The following SRBD1 variants were observed in gnomAD, a reference collection of about 807,000 sequenced individuals.
SRBD1 encodes the protein S1 RNA-binding domain-containing protein 1.
A neutral mutation model predicts 115.3 loss-of-function variants in SRBD1; 88 were observed. The ratio of observed to expected loss-of-function variants is 0.76; its 90% confidence interval spans 0.64 to 0.91. The LOEUF (loss-of-function observed/expected upper bound fraction) is 0.91. Among genes scored for constraint, SRBD1 ranks in the 40% least tolerant of loss-of-function variants. The pLI is 0.00. For missense variants in SRBD1, 1,385 were observed against 1,177.4 expected (o/e 1.18, Z -2.58); for synonymous variants, 509 against 407.7 (o/e 1.25, Z -2.99).
intron 10 of SRBD1, among the ~76,000 whole-genome samples, chr2:45,556,085 CAACT>C (rs1672466664): frequency 6.6e-6 from 1 of 152,124 alleles, no homozygotes; most frequent in Non-Finnish European, 1.5e-5. Context: ...TACATAATAG[CAACT>C]AACTGAATCT....
chr2:45,431,765 T>G (rs1388320555), intron 16 of SRBD1, among the ~76,000 whole-genome samples: 2 of 152,006 alleles, frequency 1.3e-5, no homozygotes, highest in African/African-American at 2.4e-5. Flanking sequence ...ATCCCAGAAC[T>G]TAAAGTATAA....
At chr2:45,579,533 C>A (rs1169856572) in intron 7 of SRBD1, among the ~76,000 whole-genome samples, 1 of 151,820 alleles carries the variant, frequency 6.6e-6, no homozygotes, top group Non-Finnish European at 1.5e-5. Flanking sequence ...CAACTAATAC[C>A]TATTTATCAA....
chr2:45,559,169 C>G (rs1487098177), intron 10 of SRBD1, among the ~76,000 whole-genome samples: 4 of 152,050 alleles, frequency 2.6e-5, no homozygotes, highest in Non-Finnish European at 5.9e-5. Context: ...TGTGCCATAT[C>G]TACTCTTGAT....
Position 45,413,190 on chromosome 2 carries a change from C to G in SRBD1, c.2437G>C (p.Ala813Pro). Residue 813 changes from alanine (A) to proline (P), a missense_variant, in exon 19 of 21, where the codon GCA (alanine) becomes CCA (proline). Transcript: ENST00000263736. ...TTTGGCTTCAGTAAAACATTCACTGCAGTTTTGCTCTTCTTTTTGCCCTGC... is the reference window on the plus strand; with the variant it reads ...TTTGGCTTCAGTAAAACATTCACTGGAGTTTTGCTCTTCTTTTTGCCCTGC... ...EKQGKKKSKT[A>P]VNVLLKPNPL... 6.2e-7 allele frequency: 1 copy of G among 1,614,096 alleles called. No homozygotes were observed. The highest frequency in any genetic ancestry group is 8.5e-7 in the Non-Finnish European group (1 of 1,179,986).
intron 16 of SRBD1, among the ~76,000 whole-genome samples, chr2:45,453,283 G>GAAAGA (rs913093878): frequency 2.3e-5 from 3 of 131,966 alleles, no homozygotes; most frequent in Admixed American, 2.2e-4. Flanking sequence ...AAAAAAAAAA[G>GAAAGA]AAAGAAAAGA....
intron 14 of SRBD1, among the ~76,000 whole-genome samples, chr2:45,543,243 T>A (rs1672003373): frequency 6.6e-6 from 1 of 152,206 alleles, no homozygotes; most frequent in Non-Finnish European, 1.5e-5. Context: ...CCTTTGGTAA[T>A]TAGAATTTGC....
At chr2:45,446,072 T>A (rs976786302) in intron 16 of SRBD1, among the ~76,000 whole-genome samples, 9 of 151,848 alleles carry the variant, frequency 5.9e-5, no homozygotes, top group African/African-American at 2.2e-4. Flanking sequence ...TCTAGAGAGG[T>A]CTGACTTGGG....
chr2:45,409,782 T>C (rs143464724), intron 19 of SRBD1, among the ~76,000 whole-genome samples: 50 of 152,214 alleles, frequency 3.3e-4, no homozygotes, highest in African/African-American at 1.2e-3. Context: ...TTGAAAAACA[T>C]ATAACACCTT....
At position 45,558,284 on chromosome 2, in the gene SRBD1, G is replaced by A. The variant is rs146299613; in HGVS notation, c.1409+4369C>T. 3.9e-5 allele frequency among the ~76,000 whole-genome samples: 6 copies of A among 152,224 alleles called. 1 individual carries two copies. The East Asian group carries it at 1.2e-3, about 29-fold the overall frequency. On this transcript the variant is annotated intron_variant, in intron 10 of 20. Transcript: ENST00000263736. Reference sequence around the variant, plus strand: ...GTTTGAGACCAGCCTGAGCAACATAGTGAGATAATGTCTCTAAAAAGAAGT... The same window carrying A: ...GTTTGAGACCAGCCTGAGCAACATAATGAGATAATGTCTCTAAAAAGAAGT...
intron 14 of SRBD1, among the ~76,000 whole-genome samples, chr2:45,489,729 A>G (rs1285478009): frequency 2.6e-5 from 4 of 152,108 alleles, no homozygotes; most frequent in African/African-American, 9.7e-5. Flanking sequence ...TATGCCCAAG[A>G]TCATATAGCT....
chr2:45,564,576 T>A (rs543199133), intron 9 of SRBD1, among the ~76,000 whole-genome samples: 1 of 152,172 alleles, frequency 6.6e-6, no homozygotes, highest in Non-Finnish European at 1.5e-5. Context: ...GCTCAACAAA[T>A]AAAATTAATT....
At chr2:45,509,776 C>G (rs575965846) in intron 14 of SRBD1, among the ~76,000 whole-genome samples, 1 of 152,228 alleles carries the variant, frequency 6.6e-6, no homozygotes, top group Admixed American at 6.5e-5. Flanking sequence ...ACTCTGCTGC[C>G]CAGGCTGGAG....
intron 4 of SRBD1, among the ~76,000 whole-genome samples, chr2:45,597,692 C>T (rs562914362): frequency 5.1e-4 from 78 of 152,284 alleles, no homozygotes; most frequent in Non-Finnish European, 9.7e-4. Context: ...GGAGACTTGA[C>T]CACATTCTGT....
In SRBD1 at chr2:45,551,157, T is replaced by G. The variant is rs568914930; in HGVS notation, c.1643A>C (p.His548Pro). ...TLMGVDPGYK[H>P]GCKLAIISPT... ...AGAAATTATAGCTAATTTGCAACCA[T>G]GTTTATAACCAGGATCCACTCCCAT... The change falls in exon 12 of 21, where the codon CAT becomes CCT. Residue 548 changes from histidine to proline, a missense_variant. Physicochemically the swap from His to Pro is moderately conservative, Grantham distance 77. Coordinates refer to ENST00000263736, the MANE Select transcript of SRBD1 (RefSeq NM_018079.5). The G allele has an allele frequency of 1.3e-6, 2 of 1,599,108 alleles. No homozygotes were observed. The highest frequency in any genetic ancestry group is 2.3e-5 in the South Asian group (2 of 86,894).
chr2:45,556,587 C>A (rs1239432438), intron 10 of SRBD1, among the ~76,000 whole-genome samples: 1 of 151,200 alleles, frequency 6.6e-6, no homozygotes, highest in East Asian at 1.9e-4. Flanking sequence ...CTCAGCCTCC[C>A]GAGTAGCTGG....
chr2:45,519,676 T>G (rs1671222733), intron 14 of SRBD1, among the ~76,000 whole-genome samples: 1 of 152,206 alleles, frequency 6.6e-6, no homozygotes, highest in Non-Finnish European at 1.5e-5. Context: ...GGCACATACA[T>G]TATGTGATTT....
At chr2:45,573,874 T>C (rs1173936868) in intron 8 of SRBD1, among the ~76,000 whole-genome samples, 1 of 152,188 alleles carries the variant, frequency 6.6e-6, no homozygotes, top group African/African-American at 2.4e-5. Flanking sequence ...ACAAAAGTTC[T>C]TTCTAGCAAC....
rs559562790 is a variant in SRBD1, at chr2:45,402,605, G to A, written c.2514-9476C>T. ...TAGTATTAGAATTCCTCCCTAATGG[G>A]AAAAATTGAAATAACAAATACTAGC... On this transcript the variant is annotated intron_variant, in intron 19 of 20. Coordinates refer to ENST00000263736, the MANE Select transcript of SRBD1 (RefSeq NM_018079.5). Among the ~76,000 whole-genome samples, 15 of 152,272 alleles carry A rather than the reference G, an allele frequency of 9.9e-5. 1 individual carries two copies. The South Asian group carries it at 1.2e-3, about 13-fold the overall frequency.
intron 4 of SRBD1, 71 bp downstream of exon 4, chr2:45,599,378 G>A: frequency 1.3e-6 from 2 of 1,512,380 alleles, no homozygotes; most frequent in South Asian, 1.3e-5. Flanking sequence ...CCCTTAGACA[G>A]TACAACCCCT....
Sources: gnomAD v4.1 joint callset for allele counts (sites outside exome capture counted in the v4.1 genomes callset) on GRCh38, gnomAD v4.1.1 for gene constraint, MANE v1.5 for transcripts, NCBI Gene and HGNC (gene_info 2026-07-23, HGNC 2026-07-21) for gene names.